SHROOM4: variants seen among roughly 807,000 people sequenced by gnomAD.
The protein encoded by SHROOM4 is protein Shroom4.
In SHROOM4, 17 loss-of-function variants were observed where a neutral mutation model predicts 80.3. The observed-to-expected ratio is 0.21, with a 90% CI of 0.14 to 0.32. SHROOM4 has a LOEUF of 0.32. SHROOM4 is among the 10% of genes least tolerant of loss of function. The pLI, the probability that SHROOM4 is intolerant of heterozygous loss-of-function variation, is 1.00. For synonymous variants in SHROOM4, 400 were observed against 437.5 expected (o/e 0.91, Z 1.07); for missense variants, 993 against 1,140.3 (o/e 0.87, Z 1.86).
chrX:50,576,217 T>G, the SHROOM4 span, among the ~76,000 whole-genome samples: 2 of 111,854 alleles, frequency 1.8e-5, no homozygotes, highest in Non-Finnish European at 3.8e-5. Context: ...AGCTCCTACT[T>G]GATCACCAGT....
intron 2 of SHROOM4, among the ~76,000 whole-genome samples, chrX:50,660,258 T>G (rs1932447935): frequency 9.0e-6 from 1 of 111,493 alleles, no homozygotes; most frequent in South Asian, 3.8e-4. Context: ...GGGGATCTGA[T>G]TAACAGGCAG....
chrX:50,742,152 TC>T (rs1475579324), intron 1 of SHROOM4, among the ~76,000 whole-genome samples: 1 of 110,553 alleles, frequency 9.0e-6, no homozygotes, highest in Non-Finnish European at 1.9e-5. Context: ...TCCTTTCACT[TC>T]CCCCCTGCTT....
chrX:50,754,612 A>C (rs1934999534), intron 1 of SHROOM4, among the ~76,000 whole-genome samples: 1 of 111,386 alleles, frequency 9.0e-6, no homozygotes, highest in Admixed American at 9.5e-5. Flanking sequence ...AAGAATTACT[A>C]GCCAATCAAT....
At chrX:50,674,922 G>A (rs931619994) in intron 2 of SHROOM4, among the ~76,000 whole-genome samples, 3 of 111,744 alleles carry the variant, frequency 2.7e-5, no homozygotes, top group South Asian at 3.7e-4. Context: ...CACAGAGGAC[G>A]GAGCTCTCCT....
chrX:50,618,845 C>T (rs1318727319), intron 5 of SHROOM4, among the ~76,000 whole-genome samples: 2 of 112,172 alleles, frequency 1.8e-5, no homozygotes, highest in African/African-American at 6.5e-5. Flanking sequence ...AGCACAGTGT[C>T]CAGACCTGCC....
At chrX:50,597,281 T>A (rs1327929548) in intron 8 of SHROOM4, among the ~76,000 whole-genome samples, 1 of 112,258 alleles carries the variant, frequency 8.9e-6, no homozygotes, top group Non-Finnish European at 1.9e-5. Context: ...CCAGCCTGTG[T>A]CCCTTTCACC....
intron 5 of SHROOM4, among the ~76,000 whole-genome samples, chrX:50,618,443 C>A (rs1930419106): frequency 9.8e-6 from 1 of 102,254 alleles, no homozygotes; most frequent in African/African-American, 3.6e-5. Flanking sequence ...GAGACAGTGT[C>A]TTGCCCAGTC....
intron 2 of SHROOM4, among the ~76,000 whole-genome samples, chrX:50,660,799 T>A (rs1449344302): frequency 9.2e-6 from 1 of 108,642 alleles, no homozygotes; most frequent in Non-Finnish European, 1.9e-5. Context: ...AGACTTTTTG[T>A]CAAGACAGGG....
At chrX:50,743,452 CTTT>C (rs1557267391) in intron 1 of SHROOM4, among the ~76,000 whole-genome samples, 1 of 110,523 alleles carries the variant, frequency 9.0e-6, no homozygotes, top group Non-Finnish European at 1.9e-5. Flanking sequence ...TGAAGGATTT[CTTT>C]TTATTTATTT....
chrX:50,598,185 T>A, intron 8 of SHROOM4, 81 bp downstream of exon 8: 1 of 1,158,770 alleles, frequency 8.6e-7, no homozygotes. Flanking sequence ...TTTCCTATAG[T>A]AGCCCAACTT....
At chrX:50,639,099 A>T (rs1314898067) in intron 2 of SHROOM4, among the ~76,000 whole-genome samples, 1 of 112,802 alleles carries the variant, frequency 8.9e-6, no homozygotes. Flanking sequence ...GCCTGAGGCC[A>T]TGACTCTGAA....
rs371649949 is a variant in SHROOM4, at chrX:50,633,564, A to G, written c.2509T>C (p.Tyr837His). The G allele has an allele frequency of 9.1e-6, 11 of 1,209,778 alleles. No homozygotes were observed. Among genetic ancestry groups the G allele is most frequent in the Non-Finnish European group, 1.1e-5 (10 of 895,235 alleles). The change falls in exon 4 of 9, where the codon TAT (tyrosine) becomes CAT (histidine). Residue 837 changes from tyrosine to histidine, a missense_variant. Transcript: ENST00000376020. Reference sequence around the variant, plus strand: ...TGATATGATTGGTCTGTGGCATGATATGGTTGGTCTGCGGAATGATATGAT... The same window carrying G: ...TGATATGATTGGTCTGTGGCATGATGTGGTTGGTCTGCGGAATGATATGAT... ...DQSYHSADQP[Y>H]HATDQSYHSM...
intron 2 of SHROOM4, chrX:50,687,296 A>G (rs1374931952): frequency 1.0e-5 from 1 of 99,911 alleles, no homozygotes; most frequent in Non-Finnish European, 1.9e-5. Context: ...AAACAGCTAT[A>G]GACAACACAT....
rs782784021 is a variant in SHROOM4, at chrX:50,695,767, G to A, written c.269+19C>T. 9.1e-6 allele frequency: 11 copies of A among 1,210,415 alleles called. No homozygotes were observed. Among genetic ancestry groups the A allele is most frequent in the Non-Finnish European group, 1.2e-5 (11 of 894,368 alleles). ...TTCAGTGGCCTCTGCACCTTACGGA[G>A]AATCTCCCTGTACCTTACCTCCTGA... is the stretch of plus-strand genomic sequence containing the variant. On this transcript the variant is annotated intron_variant, in intron 2 of 8. Coordinates refer to ENST00000376020, the MANE Select transcript of SHROOM4 (RefSeq NM_020717.5).
chrX:50,692,811 T>C (rs1039670029), intron 2 of SHROOM4, among the ~76,000 whole-genome samples: 8 of 112,008 alleles, frequency 7.1e-5, no homozygotes, highest in African/African-American at 2.6e-4. Flanking sequence ...AACCTCATTC[T>C]TCCTAGGTCC....
chrX:50,658,762 G>A (rs1932398537), intron 2 of SHROOM4, among the ~76,000 whole-genome samples: 2 of 111,607 alleles, frequency 1.8e-5, no homozygotes, highest in Non-Finnish European at 3.8e-5. Flanking sequence ...AGAGTGCTGA[G>A]GGCCAGGAGA....
intron 1 of SHROOM4, among the ~76,000 whole-genome samples, chrX:50,701,708 C>T (rs1215082451): frequency 9.0e-6 from 1 of 111,593 alleles, no homozygotes; most frequent in African/African-American, 3.3e-5. Flanking sequence ...GGGACACATA[C>T]TCAAAACATT....
intron 1 of SHROOM4, among the ~76,000 whole-genome samples, chrX:50,727,107 C>T (rs1468446134): frequency 2.7e-5 from 3 of 113,011 alleles, no homozygotes; most frequent in Non-Finnish European, 5.6e-5. Context: ...TGTTTTGGAG[C>T]TTTAAGATTT....
At chrX:50,792,083 A>G (rs1935864046) in intron 1 of SHROOM4, among the ~76,000 whole-genome samples, 1 of 112,257 alleles carries the variant, frequency 8.9e-6, no homozygotes, top group Admixed American at 9.4e-5. Context: ...GGCTCTTGAC[A>G]TTAGTCTTGG....
Sources: gnomAD v4.1 joint callset for allele counts (sites outside exome capture counted in the v4.1 genomes callset) on GRCh38, gnomAD v4.1.1 for gene constraint, MANE v1.5 for transcripts, NCBI Gene and HGNC (gene_info 2026-07-23, HGNC 2026-07-21) for gene names.